The following NTNG1 variants were observed in gnomAD, a reference collection of about 807,000 sequenced individuals.
NTNG1 encodes the protein netrin-G1.
NTNG1 carries 16 observed loss-of-function variants against 54.0 expected under a neutral mutation model. That is an observed-to-expected ratio of 0.30 (90% CI 0.20 to 0.45). NTNG1 has a LOEUF of 0.45. Among genes scored for constraint, NTNG1 ranks in the 20% least tolerant of loss-of-function variants. The probability of loss-of-function intolerance (pLI) is 1.00; values close to 1 mark genes in which losing one functional copy is unlikely to be tolerated. For missense variants in NTNG1, 530 were observed against 678.7 expected (o/e 0.78, Z 2.43); for synonymous variants, 255 against 263.1 (o/e 0.97, Z 0.30).
In NTNG1 at chr1:107,325,046, T is replaced by C. The variant is rs537340889; in HGVS notation, c.887+124T>C. ...GCAACGTTTTCTTCAGGAACTCCAC[T>C]GTAGAAGTAGGTTCTGAAGGCATTC... On this transcript the variant is annotated intron_variant, in intron 3 of 7. Transcript: ENST00000370068. The C allele has an allele frequency of 3.4e-3, 3,318 of 986,316 alleles. 11 individuals carry two copies. The highest frequency in any genetic ancestry group is 4.3e-3 in the Non-Finnish European group (2,892 of 673,524). 61.1% of individuals were successfully genotyped at this position (986,316 alleles called of 1,614,324 possible). A position where few individuals can be genotyped will look rare whatever the true frequency, so the allele number is the denominator to read the frequency against.
At chr1:107,357,637 G>T (rs555142571) in intron 3 of NTNG1, among the ~76,000 whole-genome samples, 46 of 152,238 alleles carry the variant, frequency 3.0e-4, no homozygotes, top group Non-Finnish European at 5.7e-4. Flanking sequence ...AGGACAGCTT[G>T]ATTTTAAAAG....
intron 6 of NTNG1, among the ~76,000 whole-genome samples, chr1:107,433,886 G>A (rs1383734676): frequency 6.6e-6 from 1 of 152,164 alleles, no homozygotes; most frequent in African/African-American, 2.4e-5. Flanking sequence ...TGCCCTATGA[G>A]ACAGCATGAA....
In NTNG1 at chr1:107,304,678, A is replaced by G. The variant is rs187025992; in HGVS notation, c.247-19604A>G. On this transcript the variant is annotated intron_variant, in intron 2 of 7. Transcript: ENST00000370068. The stretch of plus-strand genomic sequence containing the variant: ...TGACGAATTGTTTTGTCCTAGGGCT[A>G]ATCTCTCTCTGTCCTTCCCAACCAT... 6.6e-5 allele frequency among the ~76,000 whole-genome samples: 10 copies of G among 151,914 alleles called. No homozygotes were observed. The East Asian group carries it at 1.7e-3, about 26-fold the overall frequency.
chr1:107,366,379 AC>A, intron 3 of NTNG1, among the ~76,000 whole-genome samples: 1 of 152,320 alleles, frequency 6.6e-6, no homozygotes. Flanking sequence ...ATGTAAGGGC[AC>A]TTTTAATTAA....
intron 2 of NTNG1, among the ~76,000 whole-genome samples, chr1:107,160,621 G>A (rs185360523): frequency 5.3e-4 from 80 of 151,800 alleles, no homozygotes; most frequent in Middle Eastern, 3.4e-3. Context: ...ATTTTTTCTC[G>A]TAACTTTGTG....
At chr1:107,336,120 G>A (rs1208058026) in intron 3 of NTNG1, among the ~76,000 whole-genome samples, 1 of 150,868 alleles carries the variant, frequency 6.6e-6, no homozygotes, top group Non-Finnish European at 1.5e-5. Flanking sequence ...CCTGGAAATA[G>A]CCAAAATAAC....
chr1:107,284,745 C>A (rs957617326), intron 2 of NTNG1, among the ~76,000 whole-genome samples: 3 of 151,988 alleles, frequency 2.0e-5, no homozygotes, highest in African/African-American at 7.2e-5. Context: ...GCTGGCATAA[C>A]TATGGGTGCT....
At chr1:107,407,541 C>T (rs1309496189) in intron 4 of NTNG1, 141 bp from the exon 5 acceptor site, 3 of 628,028 alleles carry the variant, frequency 4.8e-6, no homozygotes, top group South Asian at 2.0e-5. Flanking sequence ...ATATGTGCAC[C>T]TGTATTTTGT....
chr1:107,336,604 A>T (rs1331153951), intron 3 of NTNG1, among the ~76,000 whole-genome samples: 4 of 152,044 alleles, frequency 2.6e-5, no homozygotes, highest in African/African-American at 9.7e-5. Flanking sequence ...CACAGTCAAC[A>T]AAAGCAAAAA....
At chr1:107,172,760 T>G (rs1414181542) in intron 2 of NTNG1, among the ~76,000 whole-genome samples, 2 of 152,086 alleles carry the variant, frequency 1.3e-5, no homozygotes, top group Non-Finnish European at 2.9e-5. Context: ...GTCCCACGAG[T>G]CACTAGGGAC....
chr1:107,395,620 C>T (rs1672638798), intron 4 of NTNG1: 3 of 532,440 alleles, frequency 5.6e-6, no homozygotes, highest in Non-Finnish European at 1.0e-5. Context: ...TTTCCTCCCC[C>T]AAATTAATTT....
At chr1:107,418,551 C>T in intron 5 of NTNG1, 1 of 1,516,216 alleles carries the variant, frequency 6.6e-7, no homozygotes, top group Non-Finnish European at 9.0e-7. Flanking sequence ...CTGAAAATAA[C>T]ATACCCTGAT....
chr1:107,443,532 C>G (rs1411308893), intron 7 of NTNG1, among the ~76,000 whole-genome samples: 1 of 152,072 alleles, frequency 6.6e-6, no homozygotes, highest in Non-Finnish European at 1.5e-5. Flanking sequence ...TATCTTGCGC[C>G]TAACTTGTAA....
chr1:107,333,228 G>C (rs1012190213), intron 3 of NTNG1, among the ~76,000 whole-genome samples: 1 of 152,028 alleles, frequency 6.6e-6, no homozygotes, highest in African/African-American at 2.4e-5. Flanking sequence ...TTGGCTAAGA[G>C]TCAAGAGAAA....
intron 2 of NTNG1, among the ~76,000 whole-genome samples, chr1:107,150,386 A>G (rs1392815192): frequency 6.6e-6 from 1 of 152,162 alleles, no homozygotes; most frequent in Non-Finnish European, 1.5e-5. Context: ...AAGGTCAACT[A>G]TAAGAGCTCA....
intron 2 of NTNG1, among the ~76,000 whole-genome samples, chr1:107,208,708 G>A (rs1380784742): frequency 6.6e-6 from 1 of 152,112 alleles, no homozygotes; most frequent in Non-Finnish European, 1.5e-5. Context: ...CCTTGGGTTA[G>A]GCATGTATCC....
intron 2 of NTNG1, among the ~76,000 whole-genome samples, chr1:107,191,197 A>T (rs1050613835): frequency 3.9e-5 from 6 of 151,956 alleles, no homozygotes; most frequent in Non-Finnish European, 5.9e-5. Flanking sequence ...GCATTTTTTC[A>T]TGTGTCTGTT....
chr1:107,170,532 G>T (rs1046263378), intron 2 of NTNG1, among the ~76,000 whole-genome samples: 2 of 151,962 alleles, frequency 1.3e-5, no homozygotes, highest in Admixed American at 1.3e-4. Context: ...ACTGGTAAAA[G>T]AAAATAATTA....
chr1:107,369,023 T>C (rs547779044), intron 3 of NTNG1, among the ~76,000 whole-genome samples: 1 of 152,312 alleles, frequency 6.6e-6, no homozygotes, highest in Non-Finnish European at 1.5e-5. Context: ...GAGTTTTATA[T>C]AAATGGAATT....
Sources: gnomAD v4.1 joint callset for allele counts (sites outside exome capture counted in the v4.1 genomes callset) on GRCh38, gnomAD v4.1.1 for gene constraint, MANE v1.5 for transcripts, NCBI Gene and HGNC (gene_info 2026-07-23, HGNC 2026-07-21) for gene names.